The following FGF12 variants were observed in gnomAD, a reference collection of about 807,000 sequenced individuals.
FGF12 encodes fibroblast growth factor 12B.
A neutral mutation model predicts 23.6 loss-of-function variants in FGF12; 14 were observed. That is an observed-to-expected ratio of 0.59 (90% CI 0.39 to 0.93). The LOEUF is 0.93. Among genes scored for constraint, FGF12 ranks in the 40% least tolerant of loss-of-function variants. FGF12 has a pLI of 0.00. For missense variants in FGF12, 175 were observed against 217.8 expected, an observed-to-expected ratio of 0.80 and a Z score of 1.24; for synonymous variants, 62 against 77.3, an observed-to-expected ratio of 0.80 and a Z score of 1.04.
intron 2 of FGF12, among the ~76,000 whole-genome samples, chr3:192,491,895 T>G (rs1260228849): frequency 6.6e-6 from 1 of 152,146 alleles, no homozygotes; most frequent in East Asian, 1.9e-4. Context: ...AAATTCTCGC[T>G]CAGATAGGAT....
intron 5 of FGF12, among the ~76,000 whole-genome samples, chr3:192,161,885 C>T (rs1233826768): frequency 6.6e-6 from 1 of 152,088 alleles, no homozygotes; most frequent in East Asian, 1.9e-4. Context: ...GTCAATGTCA[C>T]TCTGTAGTGG....
At chr3:192,246,405 G>A (rs1711565651) in intron 4 of FGF12, among the ~76,000 whole-genome samples, 1 of 152,188 alleles carries the variant, frequency 6.6e-6, no homozygotes. Flanking sequence ...GAAGTCTTAA[G>A]ATGTTGTAGA....
chr3:192,361,788 G>T (rs1271122152), intron 2 of FGF12, among the ~76,000 whole-genome samples: 1 of 152,154 alleles, frequency 6.6e-6, no homozygotes, highest in Non-Finnish European at 1.5e-5. Context: ...TTTTGCACAT[G>T]TGACTTGATC....
intron 5 of FGF12, among the ~76,000 whole-genome samples, chr3:192,154,538 G>C (rs1218664829): frequency 6.6e-6 from 1 of 151,092 alleles, no homozygotes; most frequent in African/African-American, 2.4e-5. Flanking sequence ...TAACAGACAG[G>C]ACCCTCAGCT....
chr3:192,417,862 A>G (rs1721403721), intron 2 of FGF12, among the ~76,000 whole-genome samples: 1 of 152,080 alleles, frequency 6.6e-6, no homozygotes, highest in Non-Finnish European at 1.5e-5. Flanking sequence ...TTCAGGCAAC[A>G]GCTAAGAGAT....
At chr3:192,693,311 A>G (rs920127183) in intron 2 of FGF12, among the ~76,000 whole-genome samples, 12 of 152,160 alleles carry the variant, frequency 7.9e-5, no homozygotes, top group African/African-American at 2.7e-4. Flanking sequence ...TCTTGTTCAT[A>G]TATTGAAATA....
At chr3:192,573,350 CTGCAACGTTGTTTTTGGA>C (rs1455921495) in intron 2 of FGF12, among the ~76,000 whole-genome samples, 2 of 152,170 alleles carry the variant, frequency 1.3e-5, no homozygotes, top group Admixed American at 1.3e-4. Flanking sequence ...CTAAGTATTC[CTGCAACGTTGTTTTTGGA>C]TGAGATTAAC....
At chr3:192,230,428 C>G (rs1214742311) in intron 4 of FGF12, among the ~76,000 whole-genome samples, 1 of 152,044 alleles carries the variant, frequency 6.6e-6, no homozygotes. Context: ...CATTTCTGGA[C>G]GGCAAGGATT....
intron 2 of FGF12, among the ~76,000 whole-genome samples, chr3:192,648,830 C>G (rs935586758): frequency 4.6e-5 from 7 of 152,144 alleles, no homozygotes; most frequent in African/African-American, 1.7e-4. Context: ...TGAGTAACAA[C>G]TAAATATAAA....
At chr3:192,283,869 C>CCTGAG (rs1455990225) in intron 4 of FGF12, among the ~76,000 whole-genome samples, 1 of 152,086 alleles carries the variant, frequency 6.6e-6, no homozygotes, top group African/African-American at 2.4e-5. Context: ...ACTTCTAAAA[C>CCTGAG]AGAGCCCAGG....
intron 2 of FGF12, among the ~76,000 whole-genome samples, chr3:192,650,913 T>C (rs920145990): frequency 6.6e-6 from 1 of 152,196 alleles, no homozygotes; most frequent in Non-Finnish European, 1.5e-5. Flanking sequence ...AAGTAAATAA[T>C]GGGTTTCATT....
At chr3:192,406,734 C>T (rs1032140023) in intron 2 of FGF12, among the ~76,000 whole-genome samples, 25 of 152,262 alleles carry the variant, frequency 1.6e-4, no homozygotes, top group African/African-American at 5.5e-4. Context: ...GAAAACCCAA[C>T]GGAAAATGAA....
At chr3:192,541,264 G>A (rs946203424) in intron 2 of FGF12, among the ~76,000 whole-genome samples, 1 of 151,982 alleles carries the variant, frequency 6.6e-6, no homozygotes, top group Admixed American at 6.5e-5. Context: ...ATGTTTTAAC[G>A]TTTCAAGTTC....
intron 2 of FGF12, among the ~76,000 whole-genome samples, chr3:192,467,339 T>C (rs1182299625): frequency 6.6e-6 from 1 of 152,194 alleles, no homozygotes; most frequent in Non-Finnish European, 1.5e-5. Flanking sequence ...AGGTGAATTC[T>C]GAGGGATCTC....
rs532788622 is a variant in FGF12, at chr3:192,207,428, T to C, written c.229-36772A>G. Among the ~76,000 whole-genome samples, 9 of 152,326 alleles carry C rather than the reference T, an allele frequency of 5.9e-5. 1 individual carries two copies. Among genetic ancestry groups the C allele is most frequent in the African/African-American group, 1.7e-4 (7 of 41,576 alleles). On this transcript the variant is annotated intron_variant, in intron 4 of 5. Transcript: ENST00000445105. Reference sequence around the variant, plus strand: ...CCTTGGAATGCTGGAACAGTGATATTTGAGCTGAAGCTTTTGCAGAAGGAG... The same window carrying C: ...CCTTGGAATGCTGGAACAGTGATATCTGAGCTGAAGCTTTTGCAGAAGGAG...
chr3:192,629,370 A>G (rs1402636029), intron 2 of FGF12, among the ~76,000 whole-genome samples: 1 of 152,232 alleles, frequency 6.6e-6, no homozygotes, highest in African/African-American at 2.4e-5. Context: ...ATATTTATTT[A>G]TGAAAACTTT....
At chr3:192,664,613 A>AAAAAAAAAAAAAAAAC in intron 2 of FGF12, among the ~76,000 whole-genome samples, 1 of 147,470 alleles carries the variant, frequency 6.8e-6, no homozygotes, top group Non-Finnish European at 1.5e-5. Context: ...TACAAAAAAA[A>AAAAAAAAAAAAAAAAC]AAAAAAGCTG....
intron 2 of FGF12, among the ~76,000 whole-genome samples, chr3:192,443,752 T>C (rs1722272565): frequency 6.6e-6 from 1 of 152,208 alleles, no homozygotes; most frequent in Admixed American, 6.5e-5. Context: ...CTTTACCCTT[T>C]TCACAATTAT....
At chr3:192,620,814 G>A (rs1280556560) in intron 2 of FGF12, among the ~76,000 whole-genome samples, 1 of 152,076 alleles carries the variant, frequency 6.6e-6, no homozygotes, top group Admixed American at 6.6e-5. Flanking sequence ...AAAGAGCTGG[G>A]ATATCTACTT....
Sources: gnomAD v4.1 joint callset for allele counts (sites outside exome capture counted in the v4.1 genomes callset) on GRCh38, gnomAD v4.1.1 for gene constraint, MANE v1.5 for transcripts, NCBI Gene and HGNC (gene_info 2026-07-23, HGNC 2026-07-21) for gene names.